The following COPZ2 variants were observed in gnomAD, a reference collection of about 807,000 sequenced individuals.
The protein encoded by COPZ2 is coat protein complex I subunit zeta 2.
Under a neutral mutation model 33.2 loss-of-function variants are expected in COPZ2, and 30 were observed. The observed-to-expected ratio is 0.90, with a 90% CI of 0.68 to 1.23. The LOEUF is 1.23. Among genes scored for constraint, COPZ2 ranks in the 50% most tolerant of loss-of-function variants. The pLI is 0.00. For synonymous variants in COPZ2, 89 were observed against 102.6 expected, an observed-to-expected ratio of 0.87 and a Z score of 0.80; for missense variants, 263 against 262.4, an observed-to-expected ratio of 1.00 and a Z score of -0.02.
At chr17:48,026,829 G>A (rs2036824821) in intron 8 of COPZ2, among the ~76,000 whole-genome samples, 1 of 152,260 alleles carries the variant, frequency 6.6e-6, no homozygotes, top group Non-Finnish European at 1.5e-5. Context: ...GACACTCCCT[G>A]TGCTCAGACG....
chr17:48,045,804 T>TCCTA, the COPZ2 span: 1 of 148,554 alleles, frequency 6.7e-6, no homozygotes, highest in African/African-American at 2.5e-5. Context: ...TGGGTAACTG[T>TCCTA]CCTATTAACA....
upstream of COPZ2, among the ~76,000 whole-genome samples, chr17:48,041,176 A>T (rs1598269216): frequency 2.0e-5 from 3 of 147,064 alleles, no homozygotes. Context: ...AAGACAACAT[A>T]TTTTATGTGC....
At chr17:48,032,292 C>T in intron 5 of COPZ2, 59 bp from the exon 6 acceptor site, 2 of 1,432,976 alleles carry the variant, frequency 1.4e-6, no homozygotes, top group Non-Finnish European at 1.9e-6. Context: ...GAGTCCCTGC[C>T]TAGGTGAGGC....
At chr17:48,041,949 T>C (rs562940651), upstream of COPZ2, among the ~76,000 whole-genome samples, 28 of 150,424 alleles carry the variant, frequency 1.9e-4, no homozygotes, top group Admixed American at 5.9e-4. Flanking sequence ...CCTGGGAAGA[T>C]AGGGGACTTA....
At chr17:48,046,807 TC>T in the COPZ2 span, 1 of 152,256 alleles carries the variant, frequency 6.6e-6, no homozygotes, top group South Asian at 2.1e-4. Flanking sequence ...CCTGCTTGAG[TC>T]CCCCTTCAAG....
chr17:48,026,303 C>T lies in COPZ2; in HGVS notation c.*125G>A. The T allele has an allele frequency of 1.4e-6, 1 of 738,044 alleles. No individual in the cohort carries two copies. Among genetic ancestry groups the T allele is most frequent in the Non-Finnish European group, 2.3e-6 (1 of 436,846 alleles). 45.7% of individuals were successfully genotyped at this position (738,044 alleles called of 1,614,324 possible). On this transcript the variant is annotated 3_prime_UTR_variant, in exon 9 of 9. Transcript: ENST00000621465. ...CATCTCAGAAGCCCTGGCTGGAGAC[C>T]TTAGGAGTCAGTTCTGGGAGGGACC...
Position 48,032,182 on chromosome 17 carries a change from C to T in COPZ2, c.468G>A (p.Leu156=). The change falls in exon 6 of 9, where the codon TTG becomes TTA. Residue 156 remains leucine (L), a synonymous_variant. Transcript: ENST00000621465. ...CGCCATCCACAATCTCGTCCAGCAC[C>T]AAGAAGGCTCCGTCCATGTTCTCCA... ...WLLENMDGAF[L]VLDEIVDGGV... 6.2e-7 allele frequency: 1 copy of T among 1,613,572 alleles called. No homozygotes were observed. Among genetic ancestry groups the T allele is most frequent in the Non-Finnish European group, 8.5e-7 (1 of 1,179,772 alleles).
the COPZ2 span, chr17:48,045,756 C>T: frequency 6.6e-6 from 1 of 151,788 alleles, no homozygotes; most frequent in South Asian, 2.1e-4. Flanking sequence ...TATACCGGGA[C>T]TGATGACACA....
chr17:48,029,008 A>T (rs2036854231), intron 7 of COPZ2, 117 bp downstream of exon 7: 5 of 873,246 alleles, frequency 5.7e-6, no homozygotes, highest in Middle Eastern at 2.8e-4. Context: ...GTGTCAGCCC[A>T]GTGGTTGGCT....
the COPZ2 span, chr17:48,047,182 T>G: frequency 2.0e-5 from 3 of 152,256 alleles, no homozygotes; most frequent in Non-Finnish European, 2.9e-5. Context: ...GGCCTTGTCC[T>G]TAGTTGTACA....
Position 48,028,573 on chromosome 17 carries a change from T to A in COPZ2, c.547-63A>T. 1 of 1,534,768 alleles carries A rather than the reference T, an allele frequency of 6.5e-7. No individual in the cohort carries two copies. The highest frequency in any genetic ancestry group is 8.9e-7 in the Non-Finnish European group (1 of 1,126,826). On this transcript the variant is annotated intron_variant, in intron 7 of 8. Transcript: ENST00000621465. This position sits in a 1 kb window ranked among gnomAD's most constrained non-coding sequence, Gnocchi z 4.5. ...GCATGAGGGTCCTGGGTCAGGGAGGTGAAGGAAAGGGGCTTGGGGGTATGG... is the reference window on the plus strand; with the variant it reads ...GCATGAGGGTCCTGGGTCAGGGAGGAGAAGGAAAGGGGCTTGGGGGTATGG...
At chr17:48,026,655 G>A (rs2036821842) in intron 8 of COPZ2, among the ~76,000 whole-genome samples, 180 bp from the exon 9 acceptor site, 2 of 152,224 alleles carry the variant, frequency 1.3e-5, no homozygotes, top group Non-Finnish European at 2.9e-5. Context: ...AGAAAGCGCA[G>A]ACCAAACCGG....
the COPZ2 span, chr17:48,048,035 A>C: frequency 6.6e-6 from 1 of 152,422 alleles, no homozygotes; most frequent in Non-Finnish European, 1.5e-5. Context: ...TACTTCACCC[A>C]ACGCCCAAGC....
At chr17:48,039,315 A>G (rs140253579), upstream of COPZ2, among the ~76,000 whole-genome samples, 1 of 152,048 alleles carries the variant, frequency 6.6e-6, no homozygotes, top group East Asian at 1.9e-4. Flanking sequence ...TACTAAAACT[A>G]CAAAGAAATT....
chr17:48,032,820 G>A (rs1449333182), intron 4 of COPZ2, 79 bp from the exon 5 acceptor site: 1 of 1,188,042 alleles, frequency 8.4e-7, no homozygotes, highest in Non-Finnish European at 1.2e-6. Flanking sequence ...GAGCCCACCT[G>A]TGCGGGCAGC....
At chr17:48,034,980 C>T (rs1164590894) in intron 2 of COPZ2, among the ~76,000 whole-genome samples, 3 of 151,546 alleles carry the variant, frequency 2.0e-5, no homozygotes, top group African/African-American at 4.8e-5. Context: ...AGGGAGACTC[C>T]GTCTCAAAAA....
chr17:48,037,817 T>G (rs2037016778), upstream of COPZ2: 3 of 960,232 alleles, frequency 3.1e-6, no homozygotes, highest in South Asian at 9.4e-5. This position sits in a 1 kb window ranked among gnomAD's most constrained non-coding sequence, Gnocchi z 5.6. Context: ...GCCCGCCGCC[T>G]GCCCGCCGCC....
upstream of COPZ2, among the ~76,000 whole-genome samples, chr17:48,038,808 A>C (rs1305196740): frequency 1.3e-5 from 2 of 152,150 alleles, no homozygotes; most frequent in Admixed American, 1.3e-4. Flanking sequence ...GGTTTTCCTC[A>C]CTGAATGCAT....
Position 48,037,137 on chromosome 17 carries a change from G to C in COPZ2, c.112-212C>G. ...ATGTTCCACTGCAGGCCCCGAGTGG[G>C]CGCTGTGCCCGTTGGGTGCAGAAGG... On this transcript the variant is annotated intron_variant, in intron 1 of 8. Transcript: ENST00000621465. The surrounding 1 kb of genome is among the most constrained non-coding windows in gnomAD (Gnocchi z 5.6). The C allele has an allele frequency of 1.3e-6, 1 of 767,480 alleles. No homozygotes were observed. The highest frequency in any genetic ancestry group is 2.4e-6 in the Non-Finnish European group (1 of 410,916). 47.5% of individuals were successfully genotyped at this position (767,480 alleles called of 1,614,324 possible). A position where few individuals can be genotyped will look rare whatever the true frequency, so the allele number is the denominator to read the frequency against.
Sources: gnomAD v4.1 joint callset for allele counts (sites outside exome capture counted in the v4.1 genomes callset) on GRCh38, gnomAD v4.1.1 for gene constraint, Gnocchi (gnomAD v3.1) non-coding constraint, MANE v1.5 for transcripts, NCBI Gene and HGNC (gene_info 2026-07-23, HGNC 2026-07-21) for gene names.